The following C19orf12 variants were observed in gnomAD, a reference collection of about 807,000 sequenced individuals.
C19orf12 encodes chromosome 19 open reading frame 12, also known as protein C19orf12.
C19orf12 carries 2 observed loss-of-function variants against 3.8 expected under a neutral mutation model. That is an observed-to-expected ratio of 0.53 (90% CI 0.22 to 1.66). The LOEUF (loss-of-function observed/expected upper bound fraction) is 1.66, where lower values mean the gene tolerates loss of function less well. Ranked by LOEUF, C19orf12 falls within the 40% of genes most tolerant of loss-of-function variation. The pLI is 0.20. For synonymous variants in C19orf12, 89 were observed against 84.6 expected (o/e 1.05, Z -0.28); for missense variants, 156 against 188.8 (o/e 0.83, Z 1.02).
chr19:29,706,001 C>T (rs1972361617), intron 2 of C19orf12, among the ~76,000 whole-genome samples: 1 of 152,198 alleles, frequency 6.6e-6, no homozygotes, highest in South Asian at 2.1e-4. Flanking sequence ...CACTGGCAGG[C>T]TGGACTCAGA....
rs764810656 is a variant in C19orf12 at position 29,702,976 on chromosome 19, C to A, written c.162G>T (p.Gly54=). Reference sequence around the variant, plus strand: ...CACCTAACAGCCCCCCGACAGCCCCCCCTAGAAAACATGGAATCGTTCAAT... The same window carrying A: ...CACCTAACAGCCCCCCGACAGCCCCACCTAGAAAACATGGAATCGTTCAAT... ...LVGGPPGLAV[G]GAVGGLLGAW... Residue 54 remains glycine, a splice_region_variant and synonymous_variant, in exon 3 of 3, where the codon GGG becomes GGT. Coordinates refer to ENST00000323670, the MANE Select transcript of C19orf12 (RefSeq NM_031448.6). 6.2e-7 allele frequency: 1 copy of A among 1,614,124 alleles called. No homozygotes were observed. The highest frequency in any genetic ancestry group is 1.1e-5 in the South Asian group (1 of 91,082).
chr19:29,702,376 G>A lies in C19orf12; in HGVS notation c.*336C>T, dbSNP rs1334179646. 12 of 531,198 alleles carry A rather than the reference G, an allele frequency of 2.3e-5. No individual in the cohort carries two copies. The highest frequency in any genetic ancestry group is 6.7e-5 in the Admixed American group (3 of 44,702). The allele number at this position is 531,198 out of a possible 1,614,324, so 32.9% of individuals were successfully genotyped here. A position where few individuals can be genotyped will look rare whatever the true frequency, so the allele number is the denominator to read the frequency against. ...ATGAAGTGTGGTCAGACCGTCGGCTGAGCGTGATCACTTCCCCAGACCCAT... is the reference window on the plus strand; with the variant it reads ...ATGAAGTGTGGTCAGACCGTCGGCTAAGCGTGATCACTTCCCCAGACCCAT... On this transcript the variant is annotated 3_prime_UTR_variant, in exon 3 of 3. Coordinates refer to ENST00000323670, the MANE Select transcript of C19orf12 (RefSeq NM_031448.6).
chr19:29,699,876 C>T lies in C19orf12; in HGVS notation c.*2836G>A, dbSNP rs533570670. 1.1e-5 allele frequency: 5 copies of T among 453,806 alleles called. No individual in the cohort carries two copies. Among genetic ancestry groups the T allele is most frequent in the Non-Finnish European group, 2.2e-5 (5 of 226,758 alleles). 28.1% of individuals were successfully genotyped at this position (453,806 alleles called of 1,614,324 possible). A position where few individuals can be genotyped will look rare whatever the true frequency, so the allele number is the denominator to read the frequency against. The stretch of plus-strand genomic sequence containing the variant: ...AGATACAGATATATAAATACTAAAA[C>T]CACAGGAGCTGAGAAGCAGCGCTTG... On this transcript the variant is annotated 3_prime_UTR_variant, in exon 3 of 3. Coordinates refer to ENST00000323670, the MANE Select transcript of C19orf12 (RefSeq NM_031448.6).
At chr19:29,706,773 G>A (rs1294946618) in intron 2 of C19orf12, among the ~76,000 whole-genome samples, 1 of 152,222 alleles carries the variant, frequency 6.6e-6, no homozygotes, top group East Asian at 1.9e-4. Context: ...GTGAGCCTCA[G>A]CTTAACGAAA....
chr19:29,704,400 G>T (rs1181554195), intron 2 of C19orf12, among the ~76,000 whole-genome samples: 1 of 152,074 alleles, frequency 6.6e-6, no homozygotes, highest in African/African-American at 2.4e-5. Flanking sequence ...GGAGGCAGAG[G>T]TTGCAGTGAG....
chr19:29,715,047 C>T (rs1454544999), intron 1 of C19orf12, 78 bp downstream of exon 1: 5 of 689,524 alleles, frequency 7.3e-6, no homozygotes, highest in East Asian at 5.7e-5. Flanking sequence ...GGTCTCCAGG[C>T]CTGCTCTTGG....
chr19:29,702,600 T>G lies in C19orf12; in HGVS notation c.*112A>C, dbSNP rs1568326285. ...CGGGACATTACTAGTAATACACTGATGATGTGGAGATTCCCCAGGGGGCAT... is the reference window on the plus strand; with the variant it reads ...CGGGACATTACTAGTAATACACTGAGGATGTGGAGATTCCCCAGGGGGCAT... On this transcript the variant is annotated 3_prime_UTR_variant, in exon 3 of 3. Transcript: ENST00000323670. The G allele has an allele frequency of 7.3e-7, 1 of 1,377,104 alleles. No individual in the cohort carries two copies. Among genetic ancestry groups the G allele is most frequent in the Non-Finnish European group, 1.0e-6 (1 of 967,772 alleles). The allele number at this position is 1,377,104 out of a possible 1,614,324, so 85.3% of individuals were successfully genotyped here.
At chr19:29,705,915 C>T (rs1045768654) in intron 2 of C19orf12, among the ~76,000 whole-genome samples, 15 of 152,142 alleles carry the variant, frequency 9.9e-5, no homozygotes, top group African/African-American at 3.1e-4. Context: ...ACTATCTTCA[C>T]GACTTCTCTG....
At position 29,705,578 on chromosome 19, in the gene C19orf12, A is replaced by C. The variant is rs1345616757; in HGVS notation, c.161-2601T>G. ...CAGGTTGGAGTGCAGTGGTGTGATC[A>C]TACCTCACTGCAGCCTCAAACTCTT... On this transcript the variant is annotated intron_variant, in intron 2 of 2. Coordinates refer to ENST00000323670, the MANE Select transcript of C19orf12 (RefSeq NM_031448.6). 8.7e-5 allele frequency among the ~76,000 whole-genome samples: 13 copies of C among 149,742 alleles called. No individual in the cohort carries two copies. In the East Asian group the frequency reaches 2.4e-3, roughly 27 times the overall value.
chr19:29,703,100 G>C, intron 2 of C19orf12, 123 bp from the exon 3 acceptor site: 1 of 1,334,122 alleles, frequency 7.5e-7, no homozygotes, highest in Non-Finnish European at 1.1e-6. Flanking sequence ...GGCTGCAGCG[G>C]GCTCAGCCGG....
In C19orf12 at chr19:29,708,827, G is replaced by A. The variant is rs186790964; in HGVS notation, c.-10-404C>T. 2.3e-3 allele frequency among the ~76,000 whole-genome samples: 345 copies of A among 152,346 alleles called. 1 individual carries two copies. Among genetic ancestry groups the A allele is most frequent in the African/African-American group, 7.9e-3 (330 of 41,592 alleles). On this transcript the variant is annotated intron_variant, in intron 1 of 2. Coordinates refer to ENST00000323670, the MANE Select transcript of C19orf12 (RefSeq NM_031448.6). Reference sequence around the variant, plus strand: ...CCAGCAGAGAACGGGAAGTCCCGGCGTGAGGCATCTGAGCTGAGGCCAAGC... The same window carrying A: ...CCAGCAGAGAACGGGAAGTCCCGGCATGAGGCATCTGAGCTGAGGCCAAGC...
Position 29,708,319 on chromosome 19 carries a change from G to T in C19orf12, c.95C>A (p.Ala32Asp). 1.9e-6 allele frequency: 3 copies of T among 1,613,936 alleles called. No individual in the cohort carries two copies. The highest frequency in any genetic ancestry group is 2.5e-6 in the Non-Finnish European group (3 of 1,180,012). ...KAAVKHSGKGALVTGAMAFVG... is the reference protein window; with the variant it reads ...KAAVKHSGKGDLVTGAMAFVG... ...GAAGGCCATGGCCCCTGTGACCAGGGCACCCTTCCCAGAGTGCTTGACAGC... is the reference window on the plus strand; with the variant it reads ...GAAGGCCATGGCCCCTGTGACCAGGTCACCCTTCCCAGAGTGCTTGACAGC... Residue 32 changes from alanine to aspartate, a missense_variant, in exon 2 of 3, where the codon GCC becomes GAC. Ala to Asp is a moderately radical substitution (Grantham distance 126). Transcript: ENST00000323670.
intron 1 of C19orf12, 158 bp from the exon 2 acceptor site, chr19:29,708,581 A>G (rs779842775): frequency 9.2e-5 from 81 of 883,010 alleles, no homozygotes; most frequent in Non-Finnish European, 1.4e-5. Flanking sequence ...CAGACGGTGG[A>G]AAGTTCCCAC....
At chr19:29,704,417 C>A (rs1972271400) in intron 2 of C19orf12, among the ~76,000 whole-genome samples, 1 of 151,684 alleles carries the variant, frequency 6.6e-6, no homozygotes, top group Non-Finnish European at 1.5e-5. Context: ...TGAGCCAAGA[C>A]TGTGCCACTG....
At chr19:29,715,067 T>G in intron 1 of C19orf12, 58 bp downstream of exon 1, 2 of 606,062 alleles carry the variant, frequency 3.3e-6, no homozygotes, top group Non-Finnish European at 3.0e-6. Flanking sequence ...GGGTGCCCCC[T>G]CCTCTCGCGG....
rs200133991 is a variant in C19orf12, at chr19:29,708,290, C to T, written c.124G>A (p.Gly42Arg). Residue 42 changes from glycine to arginine, a missense_variant, in exon 2 of 3, where the codon GGG becomes AGG. By Grantham distance (125) the Gly-to-Arg change is moderately radical (BLOSUM62 -2). Coordinates refer to ENST00000323670, the MANE Select transcript of C19orf12 (RefSeq NM_031448.6). ...ALVTGAMAFV[G>R]GLVGGPPGLA... ...CCCGGTGGGCCGCCCACCAAACCCC[C>T]GACGAAGGCCATGGCCCCTGTGACC... 4.0e-5 allele frequency: 65 copies of T among 1,613,440 alleles called. No homozygotes were observed. Among genetic ancestry groups the T allele is most frequent in the African/African-American group, 9.3e-5 (7 of 75,008 alleles).
chr19:29,700,034 C>T lies in C19orf12; in HGVS notation c.*2678G>A, dbSNP rs1971994042. 2.2e-6 allele frequency: 1 copy of T among 453,942 alleles called. No individual in the cohort carries two copies. Among genetic ancestry groups the T allele is most frequent in the Non-Finnish European group, 4.4e-6 (1 of 226,790 alleles). The allele number at this position is 453,942 out of a possible 1,614,324, so 28.1% of individuals were successfully genotyped here. ...AGCTAGTTCCAGTGTCTTCACTCAG[C>T]AAGGCCTGCTCCATCGGACACAAAA... On this transcript the variant is annotated 3_prime_UTR_variant, in exon 3 of 3. Transcript: ENST00000323670.
intron 1 of C19orf12, among the ~76,000 whole-genome samples, chr19:29,713,259 T>C (rs73041241): frequency 3.1e-3 from 351 of 113,440 alleles, no homozygotes; most frequent in African/African-American, 0.01. Flanking sequence ...TGGCTCCCCC[T>C]CCCCCACTGT....
chr19:29,710,519 A>C (rs2145646575), intron 1 of C19orf12, among the ~76,000 whole-genome samples: 1 of 152,332 alleles, frequency 6.6e-6, no homozygotes, highest in Non-Finnish European at 1.5e-5. Context: ...TTTGGGCAGC[A>C]AGACCCCAAG....
Sources: allele counts gnomAD v4.1 joint callset (sites outside exome capture counted in the v4.1 genomes callset), GRCh38; gene constraint gnomAD v4.1.1; transcripts MANE v1.5; gene names NCBI Gene and HGNC (gene_info 2026-07-23, HGNC 2026-07-21).